Variants in SPEN observed in about 807,000 individuals in gnomAD.
SPEN encodes the protein msx2-interacting protein.
In SPEN, 18 loss-of-function variants were observed where a neutral mutation model predicts 269.9. That is an observed-to-expected ratio of 0.07 (90% CI 0.05 to 0.10). SPEN has a LOEUF of 0.10. Among genes scored for constraint, SPEN ranks in the 10% least tolerant of loss-of-function variants. The probability of loss-of-function intolerance (pLI) is 1.00; values close to 1 mark genes in which losing one functional copy is unlikely to be tolerated. For missense variants in SPEN, 3,822 were observed against 4,631.2 expected (o/e 0.83, Z 5.07); for synonymous variants, 1,726 against 1,765.7 (o/e 0.98, Z 0.56).
chr1:15,931,909 C>T lies in SPEN; in HGVS notation c.5669C>T (p.Pro1890Leu). 14 of 1,614,200 alleles carry T rather than the reference C, an allele frequency of 8.7e-6. No individual in the cohort carries two copies. Among genetic ancestry groups the T allele is most frequent in the Non-Finnish European group, 1.1e-5 (13 of 1,180,030 alleles). ...AACTCTGCTGCAGACCTTGAACATC[C>T]CGAACCAAGTTTGCCTCTCAGCCGA... ...SKNSAADLEH[P>L]EPSLPLSRTR... Residue 1890 changes from proline (P) to leucine (L), a missense_variant, in exon 11 of 15, where the codon CCC (proline) becomes CTC (leucine). Physicochemically the swap from Pro to Leu is moderately conservative, Grantham distance 98. Coordinates refer to ENST00000375759, the MANE Select transcript of SPEN (RefSeq NM_015001.3). The surrounding 1 kb of genome is among the most constrained non-coding windows in gnomAD (Gnocchi z 4.8).
intron 6 of SPEN, among the ~76,000 whole-genome samples, chr1:15,918,315 T>A (rs1049091038): frequency 1.3e-5 from 2 of 152,222 alleles, no homozygotes; most frequent in African/African-American, 4.8e-5. Flanking sequence ...GCCTCCCGGG[T>A]TCAAGCGATT....
chr1:15,861,556 T>G (rs2070449140), intron 1 of SPEN, among the ~76,000 whole-genome samples: 1 of 152,322 alleles, frequency 6.6e-6, no homozygotes, highest in South Asian at 2.1e-4. Context: ...GGATAGAAGC[T>G]GATTTCCTTC....
chr1:15,865,125 T>A (rs1371587054), intron 1 of SPEN, among the ~76,000 whole-genome samples: 1 of 151,412 alleles, frequency 6.6e-6, no homozygotes, highest in African/African-American at 2.4e-5. Context: ...GATCTCAGCT[T>A]ACCGCAACCT....
intron 5 of SPEN, 107 bp from the exon 6 acceptor site, chr1:15,916,021 C>A: frequency 7.7e-7 from 1 of 1,295,114 alleles, no homozygotes; most frequent in Non-Finnish European, 1.0e-6. Flanking sequence ...GTATTCAAGC[C>A]CATTATTTCA....
chr1:15,899,476 G>T (rs1299442404), intron 3 of SPEN, among the ~76,000 whole-genome samples: 5 of 151,646 alleles, frequency 3.3e-5, no homozygotes, highest in Non-Finnish European at 5.9e-5. Context: ...CACTGCGCTC[G>T]GCAGTTTGTT....
intron 2 of SPEN, chr1:15,873,523 T>C: frequency 1.0e-6 from 1 of 997,936 alleles, no homozygotes; most frequent in South Asian, 4.5e-5. Context: ...ATTTCTGGAA[T>C]ATTAGAGCCT....
intron 5 of SPEN, among the ~76,000 whole-genome samples, chr1:15,912,158 G>C (rs1374750487): frequency 1.3e-5 from 2 of 152,206 alleles, no homozygotes; most frequent in Non-Finnish European, 2.9e-5. Context: ...TTATTATCTT[G>C]AACCTACCTG....
At chr1:15,860,874 A>G (rs1196039510) in intron 1 of SPEN, among the ~76,000 whole-genome samples, 4 of 151,830 alleles carry the variant, frequency 2.6e-5, no homozygotes, top group Non-Finnish European at 5.9e-5. Context: ...TGCCAGGATT[A>G]CAGGAGTGAG....
chr1:15,885,678 G>A (rs2070730323), intron 3 of SPEN, among the ~76,000 whole-genome samples: 1 of 152,162 alleles, frequency 6.6e-6, no homozygotes, highest in Admixed American at 6.6e-5. Flanking sequence ...ATTTTGAGCG[G>A]CTCTCTTAAA....
At chr1:15,891,198 AT>A (rs1316816855) in intron 3 of SPEN, among the ~76,000 whole-genome samples, 2 of 151,294 alleles carry the variant, frequency 1.3e-5, no homozygotes, top group Non-Finnish European at 1.5e-5. Context: ...TATGAAAAAA[AT>A]TTTTTTTTAG....
At chr1:15,913,861 G>T (rs2071033344) in intron 5 of SPEN, among the ~76,000 whole-genome samples, 1 of 151,956 alleles carries the variant, frequency 6.6e-6, no homozygotes, top group South Asian at 2.1e-4. Flanking sequence ...TGTCTCCAAG[G>T]GGGAGAAAAA....
intron 1 of SPEN, among the ~76,000 whole-genome samples, chr1:15,864,384 G>C (rs1387823295): frequency 6.6e-6 from 1 of 151,154 alleles, no homozygotes; most frequent in African/African-American, 2.4e-5. Context: ...TGGCAAGGCT[G>C]TTCTCAAACT....
At chr1:15,926,062 CAAT>C (rs1288686948) in intron 10 of SPEN, among the ~76,000 whole-genome samples, 1 of 152,068 alleles carries the variant, frequency 6.6e-6, no homozygotes, top group Non-Finnish European at 1.5e-5. Context: ...CATAGATACA[CAAT>C]AAAATATTTT....
Position 15,936,634 on chromosome 1 carries a change from C to T in SPEN, c.10026+368C>T, listed in dbSNP as rs1324831521. ...ACTAGGCTCCAGTGACAGAGCGAGA[C>T]CCAGTCTCAAAAAAAAAAAAAGCCG... On this transcript the variant is annotated intron_variant, in intron 11 of 14. Coordinates refer to ENST00000375759, the MANE Select transcript of SPEN (RefSeq NM_015001.3). 2.7e-5 allele frequency among the ~76,000 whole-genome samples: 3 copies of T among 113,086 alleles called. No homozygotes were observed. In the East Asian group the frequency reaches 6.8e-4, roughly 26 times the overall value. The allele number at this position is 113,086 out of a possible 152,430, so 74.2% of individuals were successfully genotyped here. A position where few individuals can be genotyped will look rare whatever the true frequency, so the allele number is the denominator to read the frequency against.
chr1:15,919,621 C>T (rs1278302269), intron 8 of SPEN, 104 bp downstream of exon 8: 5 of 628,896 alleles, frequency 8.0e-6, no homozygotes, highest in Admixed American at 3.1e-5. Flanking sequence ...TCTTTAATAA[C>T]GAGCACATTA....
At position 15,935,529 on chromosome 1, in the gene SPEN, G is replaced by A. The variant is rs147394310; in HGVS notation, c.9289G>A (p.Glu3097Lys). 16 of 1,613,932 alleles carry A rather than the reference G, an allele frequency of 9.9e-6. No individual in the cohort carries two copies. The highest frequency in any genetic ancestry group is 3.3e-5 in the Admixed American group (2 of 59,990). Residue 3097 changes from glutamate (E) to lysine (K), a missense_variant, in exon 11 of 15, where the codon GAG (glutamate) becomes AAG (lysine). Physicochemically the swap from Glu to Lys is moderately conservative, Grantham distance 56. This residue lies in a region of SPEN where 153 missense variants were observed against 228.5 expected (regional missense o/e 0.67). Transcript: ENST00000375759. This position sits in a 1 kb window ranked among gnomAD's most constrained non-coding sequence, Gnocchi z 7.7. ...TVSLSHLSQG[E>K]VRMNTPTLPS... ...GTCCCTGAGCCACCTCTCCCAGGGC[G>A]AGGTGAGAATGAACACTCCCACGCT...
At chr1:15,852,440 A>G (rs1302376724) in intron 1 of SPEN, among the ~76,000 whole-genome samples, 3 of 152,210 alleles carry the variant, frequency 2.0e-5, no homozygotes, top group East Asian at 3.8e-4. Flanking sequence ...ATAATTATAA[A>G]GCAATACAGA....
chr1:15,922,463 A>C, intron 10 of SPEN, 114 bp downstream of exon 10: 1 of 656,800 alleles, frequency 1.5e-6, no homozygotes, highest in Non-Finnish European at 2.5e-6. Flanking sequence ...ATCTTCTAGA[A>C]TAGAGAATGC....
chr1:15,936,920 A>G lies in SPEN; in HGVS notation c.10027-243A>G, dbSNP rs534926163. On this transcript the variant is annotated intron_variant, in intron 11 of 14. Coordinates refer to ENST00000375759, the MANE Select transcript of SPEN (RefSeq NM_015001.3). ...GAAAGTATTAGATCACATCATGGGG[A>G]GTTCTGCATATGGGGAGGGAGCTCT... Among the ~76,000 whole-genome samples, 7 of 152,262 alleles carry G rather than the reference A, an allele frequency of 4.6e-5. No individual in the cohort carries two copies. The East Asian group carries it at 1.4e-3, about 29-fold the overall frequency.
Sources: allele counts gnomAD v4.1 joint callset (sites outside exome capture counted in the v4.1 genomes callset), GRCh38; gene constraint gnomAD v4.1.1; regional missense constraint gnomAD v4.1.1; non-coding constraint Gnocchi (gnomAD v3.1); transcripts MANE v1.5; gene names NCBI Gene and HGNC (gene_info 2026-07-23, HGNC 2026-07-21).